The following NFS1 variants were observed in gnomAD, a reference collection of about 807,000 sequenced individuals.
The protein encoded by NFS1 is NFS1 cysteine desulfurase.
Under a neutral mutation model 57.3 loss-of-function variants are expected in NFS1, and 26 were observed. The observed-to-expected ratio is 0.45, with a 90% confidence interval of 0.33 to 0.63. The LOEUF is 0.63. NFS1 is among the 20% of genes least tolerant of loss of function. NFS1 has a pLI of 0.02. For missense variants in NFS1, 505 were observed against 605.8 expected (o/e 0.83, Z 1.75); for synonymous variants, 209 against 216.3 (o/e 0.97, Z 0.30).
In NFS1 at chr20:35,674,517, T is replaced by A. The variant is rs907397813; in HGVS notation, c.1049A>T (p.Tyr350Phe). The part of the protein sequence containing the change: ...VVMNGDPKHH[Y>F]PGCINLSFAY... ...TAGAAAGAGCAAGTCCATACCGGGA[T>A]AATGGTGCTTAGGGTCCCCATTCAT... Residue 350 changes from tyrosine to phenylalanine, a missense_variant, in exon 9 of 13, where the codon TAT becomes TTT. Tyr to Phe is a conservative substitution (Grantham distance 22). Transcript: ENST00000374092. The A allele has an allele frequency of 1.2e-6, 2 of 1,613,472 alleles. No homozygotes were observed. Among genetic ancestry groups the A allele is most frequent in the Non-Finnish European group, 1.7e-6 (2 of 1,179,354 alleles).
intron 4 of NFS1, chr20:35,694,894 A>C (rs2146438937): frequency 6.4e-6 from 1 of 155,496 alleles, no homozygotes; most frequent in Admixed American, 6.5e-5. Flanking sequence ...GTCTAAAAAA[A>C]AAAAAAGAAA....
chr20:35,673,678 G>A lies in NFS1; in HGVS notation c.1143C>T (p.Cys381=). 1 of 1,613,504 alleles carries A rather than the reference G, an allele frequency of 6.2e-7. No homozygotes were observed. ...AAGAGGGCTCCAGGGATGCAGAGGT[G>A]CAGGCACTGAGGAGAGAGACACGAA... ...KDVALSSGSA[C]TSASLEPSYV... Residue 381 remains cysteine (C), a synonymous_variant, in exon 11 of 13, where the codon TGC becomes TGT. Transcript: ENST00000374092.
chr20:35,695,902 T>C (rs1162283225), intron 4 of NFS1, among the ~76,000 whole-genome samples: 6 of 152,090 alleles, frequency 3.9e-5, no homozygotes, highest in Admixed American at 6.6e-5. Flanking sequence ...TAGTTGGGCA[T>C]GGTGGCGGGC....
chr20:35,696,848 T>G (rs2035142702), intron 3 of NFS1, among the ~76,000 whole-genome samples: 1 of 152,136 alleles, frequency 6.6e-6, no homozygotes, highest in South Asian at 2.1e-4. Flanking sequence ...GGCTCAAGCC[T>G]GTAATCCCAG....
chr20:35,675,372 A>G, intron 7 of NFS1, 170 bp from the exon 8 acceptor site: 1 of 708,280 alleles, frequency 1.4e-6, no homozygotes, highest in Non-Finnish European at 2.3e-6. Flanking sequence ...CATAGTATTT[A>G]GTAAAATATT....
In NFS1 at chr20:35,681,966, T is replaced by C. The variant is rs746138031; in HGVS notation, c.577A>G (p.Ile193Val). Residue 193 changes from isoleucine to valine, a missense_variant, in exon 6 of 13, where the codon ATC (isoleucine) becomes GTC (valine). Physicochemically the swap from Ile to Val is conservative, Grantham distance 29 (BLOSUM62 3). Transcript: ENST00000374092. ...GACACCAGGCTAGTATCTGGCTGGATAGCAGCCTCTAGTTCCTAGGGATAT... is the reference window on the plus strand; with the variant it reads ...GACACCAGGCTAGTATCTGGCTGGACAGCAGCCTCTAGTTCCTAGGGATAT... ...IIDLKELEAA[I>V]QPDTSLVSVM... The C allele has an allele frequency of 3.1e-6, 5 of 1,606,102 alleles. No individual in the cohort carries two copies. The Admixed American group carries it at 8.3e-5, about 27-fold the overall frequency.
chr20:35,698,687 G>A, intron 1 of NFS1, 97 bp from the exon 2 acceptor site: 1 of 1,473,230 alleles, frequency 6.8e-7, no homozygotes, highest in Non-Finnish European at 9.0e-7. Flanking sequence ...CTGGAGGTGA[G>A]ATAAGTGTAA....
intron 12 of NFS1, among the ~76,000 whole-genome samples, chr20:35,670,702 G>A (rs2034638970): frequency 2.0e-5 from 3 of 152,184 alleles, no homozygotes; most frequent in Admixed American, 2.0e-4. Flanking sequence ...GGGTGCAGAT[G>A]CCGAAGCCAC....
At chr20:35,676,758 GAA>G (rs746820595) in intron 7 of NFS1, among the ~76,000 whole-genome samples, 1 of 18,132 alleles carries the variant, frequency 5.5e-5, no homozygotes, top group Non-Finnish European at 9.2e-5. Context: ...GAGAAAATCA[GAA>G]AAAAAAAAAA....
At position 35,672,856 on chromosome 20, in the gene NFS1, C is replaced by A. The variant is rs775846296; in HGVS notation, c.1221-12G>T. ...GGCCAATTCCAAACCTGAAAAAAGG[C>A]ACAGGAGAATGGCTCCCCATCAGAG... On this transcript the variant is annotated splice_polypyrimidine_tract_variant and intron_variant, in intron 11 of 12. Coordinates refer to ENST00000374092, the MANE Select transcript of NFS1 (RefSeq NM_021100.5). 4 of 1,566,204 alleles carry A rather than the reference C, an allele frequency of 2.6e-6. No homozygotes were observed. The highest frequency in any genetic ancestry group is 3.6e-5 in the Admixed American group (2 of 55,888).
At position 35,675,179 on chromosome 20, in the gene NFS1, G is replaced by A. The variant is rs186014349; in HGVS notation, c.814C>T (p.Arg272Cys). The part of the protein sequence containing the change: ...PKGVGAIYIR[R>C]RPRVRVEALQ... ...GCCTCCACACGCACACGGGGCCGGC[G>A]ACGGATGTAGATGGCACCAACCCCT... The change falls in exon 8 of 13, where the codon CGC becomes TGC. Residue 272 changes from arginine (R) to cysteine (C), a missense_variant. Physicochemically the swap from Arg to Cys is radical, Grantham distance 180. Coordinates refer to ENST00000374092, the MANE Select transcript of NFS1 (RefSeq NM_021100.5). 9 of 1,613,330 alleles carry A rather than the reference G, an allele frequency of 5.6e-6. No homozygotes were observed. Among genetic ancestry groups the A allele is most frequent in the African/African-American group, 2.7e-5 (2 of 75,002 alleles).
chr20:35,693,004 G>GAA (rs367799982), intron 4 of NFS1, among the ~76,000 whole-genome samples: 30 of 144,018 alleles, frequency 2.1e-4, no homozygotes, highest in Middle Eastern at 3.6e-3. Context: ...TCCCCCTTGG[G>GAA]AAAAAAAAAA....
chr20:35,669,627 G>A lies in NFS1; in HGVS notation c.1369C>T (p.His457Tyr), dbSNP rs748620553. 1 of 1,614,108 alleles carries A rather than the reference G, an allele frequency of 6.2e-7. No homozygotes were observed. Among genetic ancestry groups the A allele is most frequent in the East Asian group, 2.2e-5 (1 of 44,874 alleles). The change falls in exon 13 of 13, where the codon CAC becomes TAC. Residue 457 changes from histidine (H) to tyrosine (Y), a missense_variant. By Grantham distance (83) the His-to-Tyr change is moderately conservative (BLOSUM62 2). Coordinates refer to ENST00000374092, the MANE Select transcript of NFS1 (RefSeq NM_021100.5). Reference protein sequence around the residue: ...IDLKSIKWTQH With the variant: ...IDLKSIKWTQY ...AAAGTCAGGGCCCTATTCTTCTAGT[G>A]TTGGGTCCACTTGATGCTCTTGAGG...
intron 5 of NFS1, among the ~76,000 whole-genome samples, chr20:35,689,207 G>A (rs2034997654): frequency 6.6e-6 from 1 of 152,214 alleles, no homozygotes; most frequent in Admixed American, 6.5e-5. Context: ...TGTCCTCCAG[G>A]CCAGGTACAG....
chr20:35,696,504 C>T (rs368045761), intron 3 of NFS1, 44 bp from the exon 4 acceptor site: 86 of 1,477,932 alleles, frequency 5.8e-5, no homozygotes, highest in Non-Finnish European at 7.8e-5. Context: ...GTTCCCCAGG[C>T]AGAAATAGAG....
intron 7 of NFS1, among the ~76,000 whole-genome samples, chr20:35,677,259 C>T (rs1033949701): frequency 2.6e-5 from 4 of 151,976 alleles, no homozygotes; most frequent in South Asian, 4.2e-4. Context: ...TGGTGGAGCA[C>T]GGTGGCTCAT....
At chr20:35,678,283 A>G (rs2034789873) in intron 7 of NFS1, among the ~76,000 whole-genome samples, 1 of 152,090 alleles carries the variant, frequency 6.6e-6, no homozygotes, top group Non-Finnish European at 1.5e-5. Context: ...TGAACCCTGG[A>G]GGCGGAGCTT....
intron 5 of NFS1, among the ~76,000 whole-genome samples, chr20:35,686,515 T>C (rs6121029): frequency 0.1 from 15,195 of 152,140 alleles, 1,208 homozygotes; most frequent in African/African-American, 0.22. Flanking sequence ...TGTTATGGTA[T>C]GTGAATTACA....
At position 35,669,699 on chromosome 20, in the gene NFS1, G is replaced by A; in HGVS notation, c.1311-14C>T. On this transcript the variant is annotated splice_polypyrimidine_tract_variant and intron_variant, in intron 12 of 12. Transcript: ENST00000374092. ...TCCCAGAGAGGGCTGCCAAAGAGAAGAGGCATTAAATGAGTGAGGGCTTAG... is the reference window on the plus strand; with the variant it reads ...TCCCAGAGAGGGCTGCCAAAGAGAAAAGGCATTAAATGAGTGAGGGCTTAG... The A allele has an allele frequency of 6.2e-7, 1 of 1,613,692 alleles. No individual in the cohort carries two copies. The highest frequency in any genetic ancestry group is 8.5e-7 in the Non-Finnish European group (1 of 1,179,624).
Sources: allele counts gnomAD v4.1 joint callset (sites outside exome capture counted in the v4.1 genomes callset), GRCh38; gene constraint gnomAD v4.1.1; transcripts MANE v1.5; gene names NCBI Gene and HGNC (gene_info 2026-07-23, HGNC 2026-07-21).